Variants in TMEM8B observed in about 807,000 individuals in gnomAD.
TMEM8B encodes transmembrane protein 8B, also known as nasopharyngeal carcinoma expressed 6.
Under a neutral mutation model 49.3 loss-of-function variants are expected in TMEM8B, and 29 were observed. That is an observed-to-expected ratio of 0.59 (90% confidence interval 0.44 to 0.80). The LOEUF (loss-of-function observed/expected upper bound fraction) is 0.80, where lower values mean the gene tolerates loss of function less well. Ranked by LOEUF, TMEM8B falls within the 30% of genes least tolerant of loss-of-function variation. The probability of loss-of-function intolerance (pLI) is 0.00; values close to 1 mark genes in which losing one functional copy is unlikely to be tolerated. For missense variants in TMEM8B, 575 were observed against 658.5 expected (o/e 0.87, Z 1.39); for synonymous variants, 264 against 272.8 (o/e 0.97, Z 0.32).
At position 35,846,924 on chromosome 9, in the gene TMEM8B, G is replaced by A. The variant is rs1831651828; in HGVS notation, c.2104G>A (p.Val702Met). Residue 702 changes from valine to methionine, a missense_variant, in exon 10 of 13, where the codon GTG becomes ATG. Physicochemically the swap from Val to Met is conservative, Grantham distance 21. Transcript: ENST00000643932. ...CLSNLMFLPP[V>M]VLAIRSRYVL... Reference sequence around the variant, plus strand: ...GAGCAACCTCATGTTTCTGCCACCTGTGGTCCTGGCCATTCGGAGTCGATA... The same window carrying A: ...GAGCAACCTCATGTTTCTGCCACCTATGGTCCTGGCCATTCGGAGTCGATA... 6.2e-7 allele frequency: 1 copy of A among 1,614,140 alleles called. No homozygotes were observed. The highest frequency in any genetic ancestry group is 1.7e-5 in the Admixed American group (1 of 60,016).
At chr9:35,846,666 G>T (rs550619330) in intron 9 of TMEM8B, 55 bp downstream of exon 9, 238 of 1,562,006 alleles carry the variant, frequency 1.5e-4, no homozygotes, top group Non-Finnish European at 1.9e-4. Flanking sequence ...GACCTGCTGG[G>T]CCTGTGGGCA....
rs973172323 is a variant in TMEM8B at position 35,853,448 on chromosome 9, T to C, written c.2440-57T>C. 6.4e-7 allele frequency: 1 copy of C among 1,568,722 alleles called. No individual in the cohort carries two copies. On this transcript the variant is annotated intron_variant, in intron 12 of 12. Coordinates refer to ENST00000643932, the MANE Select transcript of TMEM8B (RefSeq NM_001042590.4). The surrounding 1 kb of genome is among the most constrained non-coding windows in gnomAD (Gnocchi z 4.2). The stretch of plus-strand genomic sequence containing the variant: ...CAGAGGAAACCTGAGAGTGACCAGC[T>C]CTGGCTTGGGTTCCAGGGCTTGGCA...
rs1164157398 is a variant in TMEM8B, at chr9:35,846,253, T to A, written c.1730-5T>A. On this transcript the variant is annotated splice_region_variant and splice_polypyrimidine_tract_variant and intron_variant, in intron 7 of 12. Coordinates refer to ENST00000643932, the MANE Select transcript of TMEM8B (RefSeq NM_001042590.4). ...CTCTCACTGACTCCTTCCTTCTCCCTTCAGAGTCCCTGGCCGGCTTCCTCC... is the reference window on the plus strand; with the variant it reads ...CTCTCACTGACTCCTTCCTTCTCCCATCAGAGTCCCTGGCCGGCTTCCTCC... The A allele has an allele frequency of 1.2e-6, 2 of 1,614,184 alleles. No individual in the cohort carries two copies. Among genetic ancestry groups the A allele is most frequent in the East Asian group, 2.2e-5 (1 of 44,886 alleles).
Position 35,854,022 on chromosome 9 carries a change from C to T in TMEM8B, c.*182C>T. On this transcript the variant is annotated 3_prime_UTR_variant, in exon 13 of 13. Coordinates refer to ENST00000643932, the MANE Select transcript of TMEM8B (RefSeq NM_001042590.4). ...CAGGACATGGAGAACTTCCTGAGGG[C>T]CTGGAGTCCCCCTGCATCATGGAGT... 1 of 1,333,442 alleles carries T rather than the reference C, an allele frequency of 7.5e-7. No homozygotes were observed. The highest frequency in any genetic ancestry group is 2.4e-5 in the South Asian group (1 of 41,582). The allele number at this position is 1,333,442 out of a possible 1,614,324, so 82.6% of individuals were successfully genotyped here.
intron 10 of TMEM8B, among the ~76,000 whole-genome samples, chr9:35,851,829 T>A (rs1832168190): frequency 6.6e-6 from 1 of 152,240 alleles, no homozygotes; most frequent in African/African-American, 2.4e-5. Flanking sequence ...GTTGAAGTTG[T>A]AATTTTTGCA....
chr9:35,833,852 G>A (rs1225744964), intron 1 of TMEM8B, among the ~76,000 whole-genome samples: 1 of 152,074 alleles, frequency 6.6e-6, no homozygotes, highest in East Asian at 1.9e-4. Flanking sequence ...CCCCTCTCCT[G>A]CCCTGAGCCA....
At chr9:35,852,727 G>A in intron 10 of TMEM8B, 100 bp from the exon 11 acceptor site, 2 of 1,385,806 alleles carry the variant, frequency 1.4e-6, no homozygotes, top group Admixed American at 3.5e-5. Flanking sequence ...CACCTCTGCT[G>A]CACTGACAGC....
intron 10 of TMEM8B, among the ~76,000 whole-genome samples, chr9:35,852,178 A>G (rs569322970): frequency 1.8e-4 from 27 of 152,164 alleles, no homozygotes; most frequent in Non-Finnish European, 2.9e-4. Flanking sequence ...AACCTCCTCA[A>G]TAGTCCACTC....
chr9:35,836,169 C>CA (rs757631867), intron 3 of TMEM8B, among the ~76,000 whole-genome samples: 7 of 152,166 alleles, frequency 4.6e-5, no homozygotes, highest in Non-Finnish European at 1.0e-4. Flanking sequence ...CTGCTATTGT[C>CA]AGAGATGGGA....
intron 10 of TMEM8B, among the ~76,000 whole-genome samples, chr9:35,850,059 G>C (rs1262998463): frequency 6.6e-6 from 1 of 152,104 alleles, no homozygotes; most frequent in Non-Finnish European, 1.5e-5. Flanking sequence ...CTGTCTCTTG[G>C]CAAAATCCCA....
chr9:35,832,366 G>T (rs1229149795), intron 1 of TMEM8B, among the ~76,000 whole-genome samples: 2 of 152,136 alleles, frequency 1.3e-5, no homozygotes, highest in Non-Finnish European at 2.9e-5. Flanking sequence ...ACCAAAGTTT[G>T]GAGTGAATGG....
chr9:35,853,914 TAGAA>T lies in TMEM8B; in HGVS notation c.*75_*78del, dbSNP rs1832391184. On this transcript the variant is annotated 3_prime_UTR_variant, in exon 13 of 13. Transcript: ENST00000643932. This position sits in a 1 kb window ranked among gnomAD's most constrained non-coding sequence, Gnocchi z 4.2. Reference sequence around the variant, plus strand: ...TCTTTCTGGGGGTGTGGAGCCCTCTTAGAAGGAGACAGGCTGTATTTCTTGAGGA... The same window carrying T: ...TCTTTCTGGGGGTGTGGAGCCCTCTTGGAGACAGGCTGTATTTCTTGAGGA... 2 of 1,464,718 alleles carry T rather than the reference TAGAA, an allele frequency of 1.4e-6. No individual in the cohort carries two copies. Among genetic ancestry groups the T allele is most frequent in the African/African-American group, 2.8e-5 (2 of 70,806 alleles). 90.7% of individuals were successfully genotyped at this position (1,464,718 alleles called of 1,614,324 possible).
chr9:35,831,490 A>T (rs1829893211), intron 1 of TMEM8B, among the ~76,000 whole-genome samples: 1 of 152,204 alleles, frequency 6.6e-6, no homozygotes, highest in Non-Finnish European at 1.5e-5. Flanking sequence ...CTTTGAAGGA[A>T]GGAGCTGTGG....
At chr9:35,847,095 G>A in intron 10 of TMEM8B, 100 bp downstream of exon 10, 2 of 1,614,256 alleles carry the variant, frequency 1.2e-6, no homozygotes, top group Middle Eastern at 1.6e-4. Flanking sequence ...GGGAATGTCT[G>A]TGCCTTCACT....
chr9:35,833,451 T>C (rs10738948), intron 1 of TMEM8B: 457,068 of 753,426 alleles, frequency 0.61, 139,049 homozygotes, highest in East Asian at 0.75. Context: ...TTCCCCTGTC[T>C]GCTACTGGTT....
At chr9:35,836,548 G>A (rs369930463) in intron 3 of TMEM8B, among the ~76,000 whole-genome samples, 5 of 152,202 alleles carry the variant, frequency 3.3e-5, no homozygotes, top group African/African-American at 1.2e-4. Flanking sequence ...CCTGGGCTGG[G>A]ATTGTGGGAG....
chr9:35,846,865 G>C lies in TMEM8B; in HGVS notation c.2045G>C (p.Gly682Ala), dbSNP rs764226717. 4 of 1,614,214 alleles carry C rather than the reference G, an allele frequency of 2.5e-6. No individual in the cohort carries two copies. The highest frequency in any genetic ancestry group is 3.4e-6 in the Non-Finnish European group (4 of 1,180,044). Residue 682 changes from glycine to alanine, a missense_variant, in exon 10 of 13, where the codon GGA becomes GCA. Coordinates refer to ENST00000643932, the MANE Select transcript of TMEM8B (RefSeq NM_001042590.4). ...CTDSADALTY[G>A]FQLLSTLLLC... is the part of the protein sequence containing the mutation. ...GACAGTGCAGATGCGCTCACCTATG[G>C]ATTCCAGCTGCTGTCCACACTCCTG...
chr9:35,846,070 TGAGGTGAGGAATGGGG>T lies in TMEM8B; in HGVS notation c.1729+7_1729+22del. ...ATGCAGCAGTGACCTGTTCCAAAGG[TGAGGTGAGGAATGGGG>T]GAGGAGAGGAAGCTGCAGTGTGGGG... On this transcript the variant is annotated splice_donor_5th_base_variant and intron_variant, in intron 7 of 12. Transcript: ENST00000643932. The T allele has an allele frequency of 1.9e-6, 3 of 1,584,506 alleles. No individual in the cohort carries two copies. The highest frequency in any genetic ancestry group is 2.6e-6 in the Non-Finnish European group (3 of 1,170,390).
rs1174636537 is a variant in TMEM8B at position 35,857,950 on chromosome 9, C to T, written c.*4110C>T. 1.3e-5 allele frequency: 2 copies of T among 152,190 alleles called. No homozygotes were observed. The highest frequency in any genetic ancestry group is 2.9e-5 in the Non-Finnish European group (2 of 68,148). The allele number at this position is 152,190 out of a possible 1,614,324, so 9.4% of individuals were successfully genotyped here. A position where few individuals can be genotyped will look rare whatever the true frequency, so the allele number is the denominator to read the frequency against. ...TGGTGACCTGCAGGAGAAGCTGTCACCTTTGCCATGGAGCTTGCACTTGGC... is the reference window on the plus strand; with the variant it reads ...TGGTGACCTGCAGGAGAAGCTGTCATCTTTGCCATGGAGCTTGCACTTGGC... On this transcript the variant is annotated 3_prime_UTR_variant, in exon 13 of 13. Transcript: ENST00000643932.
Sources: gnomAD v4.1 joint callset for allele counts (sites outside exome capture counted in the v4.1 genomes callset) on GRCh38, gnomAD v4.1.1 for gene constraint, Gnocchi (gnomAD v3.1) non-coding constraint, MANE v1.5 for transcripts, NCBI Gene and HGNC (gene_info 2026-07-23, HGNC 2026-07-21) for gene names.